SEMA3A: variants seen among roughly 807,000 people sequenced by gnomAD.
SEMA3A encodes the protein semaphorin 3A.
A neutral mutation model predicts 97.9 loss-of-function variants in SEMA3A; 29 were observed. The ratio of observed to expected loss-of-function variants is 0.30; its 90% confidence interval spans 0.22 to 0.40. The LOEUF (loss-of-function observed/expected upper bound fraction) is 0.40. Ranked by LOEUF, SEMA3A falls within the 10% of genes least tolerant of loss-of-function variation. The probability of loss-of-function intolerance (pLI) is 1.00; values close to 1 mark genes in which losing one functional copy is unlikely to be tolerated. For missense variants in SEMA3A, 763 were observed against 951.3 expected, an observed-to-expected ratio of 0.80 and a Z score of 2.60; for synonymous variants, 321 against 323.7, an observed-to-expected ratio of 0.99 and a Z score of 0.09.
intron 13 of SEMA3A, among the ~76,000 whole-genome samples, chr7:83,983,722 T>C (rs555720405): frequency 3.9e-4 from 60 of 152,242 alleles, no homozygotes; most frequent in African/African-American, 1.3e-3. Context: ...AAATGAAATA[T>C]AGGGTAAGCC....
chr7:84,423,164 T>C (rs1804646714), intron 1 of SEMA3A, among the ~76,000 whole-genome samples: 1 of 152,070 alleles, frequency 6.6e-6, no homozygotes, highest in Non-Finnish European at 1.5e-5. Flanking sequence ...ACATTTTCTA[T>C]CAAATAAGTA....
At chr7:84,242,487 T>G (rs1442846838) in intron 3 of SEMA3A, among the ~76,000 whole-genome samples, 1 of 152,212 alleles carries the variant, frequency 6.6e-6, no homozygotes, top group African/African-American at 2.4e-5. Flanking sequence ...TCCTGAGACT[T>G]TGCTGAAGTT....
At chr7:84,347,943 C>A (rs1420548607) in intron 2 of SEMA3A, among the ~76,000 whole-genome samples, 2 of 152,050 alleles carry the variant, frequency 1.3e-5, no homozygotes, top group African/African-American at 4.8e-5. Context: ...ATCATCTAAA[C>A]CCATCAAAAC....
chr7:83,990,211 G>C lies in SEMA3A; in HGVS notation c.1453-4734C>G, dbSNP rs1295851653. On this transcript the variant is annotated intron_variant, in intron 12 of 16. Coordinates refer to ENST00000265362, the MANE Select transcript of SEMA3A (RefSeq NM_006080.3). ...TTGTTTGAGTTCATTGTAGATTCTG[G>C]ATATTAGCCCTTTGTCAGATAAGTA... Among the ~76,000 whole-genome samples, 3 of 152,082 alleles carry C rather than the reference G, an allele frequency of 2.0e-5. No homozygotes were observed. In the East Asian group the frequency reaches 5.8e-4, roughly 30 times the overall value.
chr7:84,275,406 C>T (rs951943550), intron 3 of SEMA3A, among the ~76,000 whole-genome samples: 1 of 152,006 alleles, frequency 6.6e-6, no homozygotes, highest in East Asian at 1.9e-4. Context: ...ACTTTTAAGA[C>T]AAAATTAATA....
intron 3 of SEMA3A, among the ~76,000 whole-genome samples, chr7:84,285,935 C>T (rs1027966089): frequency 7.2e-6 from 1 of 138,380 alleles, no homozygotes; most frequent in Non-Finnish European, 1.5e-5. Context: ...ATCGACTGCA[C>T]TGTAGAGCCT....
At chr7:84,479,699 T>C (rs1471841548) in intron 1 of SEMA3A, among the ~76,000 whole-genome samples, 2 of 152,152 alleles carry the variant, frequency 1.3e-5, no homozygotes, top group African/African-American at 4.8e-5. Flanking sequence ...CTATATTTTA[T>C]TCTTAAAAAA....
At chr7:84,119,752 A>C (rs1259119993) in intron 3 of SEMA3A, among the ~76,000 whole-genome samples, 1 of 152,178 alleles carries the variant, frequency 6.6e-6, no homozygotes, top group African/African-American at 2.4e-5. Context: ...AAGTATTACA[A>C]ACTACGTGTC....
intron 1 of SEMA3A, among the ~76,000 whole-genome samples, chr7:84,402,604 A>G (rs540400025): frequency 1.3e-5 from 2 of 152,312 alleles, no homozygotes; most frequent in East Asian, 3.9e-4. Context: ...GTGTCCATCA[A>G]TGGATGTATG....
chr7:84,419,758 A>G (rs535366450), intron 1 of SEMA3A, among the ~76,000 whole-genome samples: 3 of 152,250 alleles, frequency 2.0e-5, no homozygotes, highest in East Asian at 1.9e-4. Context: ...TGCAATAACT[A>G]AATTGAAAAT....
At chr7:84,409,203 A>G (rs1804194589) in intron 1 of SEMA3A, among the ~76,000 whole-genome samples, 1 of 151,632 alleles carries the variant, frequency 6.6e-6, no homozygotes, top group Non-Finnish European at 1.5e-5. Context: ...AATGTTCCCA[A>G]CAAAAACAAA....
chr7:84,460,967 A>G (rs1805822716), intron 1 of SEMA3A, among the ~76,000 whole-genome samples: 1 of 152,188 alleles, frequency 6.6e-6, no homozygotes, highest in Non-Finnish European at 1.5e-5. Context: ...ATTTCAAACC[A>G]AGATAATTCC....
At chr7:84,253,582 A>C (rs2115624810) in intron 3 of SEMA3A, among the ~76,000 whole-genome samples, 1 of 152,300 alleles carries the variant, frequency 6.6e-6, no homozygotes, top group African/African-American at 2.4e-5. Flanking sequence ...CATATAATAT[A>C]CATGCTTTAT....
intron 4 of SEMA3A, among the ~76,000 whole-genome samples, chr7:84,099,383 A>T (rs558346373): frequency 1.3e-5 from 2 of 151,506 alleles, no homozygotes; most frequent in Admixed American, 6.6e-5. Flanking sequence ...AATTTTTTTT[A>T]AAAGAAAAGT....
intron 6 of SEMA3A, 66 bp from the exon 7 acceptor site, chr7:84,014,417 C>T (rs1791010159): frequency 1.5e-6 from 2 of 1,304,806 alleles, no homozygotes; most frequent in Non-Finnish European, 2.1e-6. Flanking sequence ...TCTGAACAGT[C>T]CATTTTTACT....
At chr7:84,072,743 T>C (rs1490892948) in intron 4 of SEMA3A, among the ~76,000 whole-genome samples, 1 of 152,128 alleles carries the variant, frequency 6.6e-6, no homozygotes, top group Non-Finnish European at 1.5e-5. Flanking sequence ...TATATAACAA[T>C]AATACATTAC....
At chr7:84,280,033 G>T (rs1800400263) in intron 3 of SEMA3A, among the ~76,000 whole-genome samples, 1 of 152,120 alleles carries the variant, frequency 6.6e-6, no homozygotes, top group Non-Finnish European at 1.5e-5. Flanking sequence ...GAGTATCTGG[G>T]ACCAAAGGCA....
At chr7:84,300,345 G>T (rs554483417) in intron 3 of SEMA3A, among the ~76,000 whole-genome samples, 6 of 152,034 alleles carry the variant, frequency 3.9e-5, no homozygotes, top group Non-Finnish European at 5.9e-5. Flanking sequence ...GTTTTCAGGT[G>T]GAAAGCATGT....
intron 1 of SEMA3A, among the ~76,000 whole-genome samples, chr7:84,391,416 G>A (rs1226288000): frequency 4.6e-5 from 7 of 152,054 alleles, no homozygotes; most frequent in South Asian, 2.1e-4. Context: ...ATGCTAACAC[G>A]GTGGATCCTA....
Sources: allele counts gnomAD v4.1 joint callset (sites outside exome capture counted in the v4.1 genomes callset), GRCh38; gene constraint gnomAD v4.1.1; transcripts MANE v1.5; gene names NCBI Gene and HGNC (gene_info 2026-07-23, HGNC 2026-07-21).